Variants in PRDM5 observed in about 807,000 individuals in gnomAD.
PRDM5 encodes PR domain zinc finger protein 5.
PRDM5 carries 56 observed loss-of-function variants against 81.2 expected under a neutral mutation model. The ratio of observed to expected loss-of-function variants is 0.69; its 90% CI spans 0.56 to 0.86. The LOEUF (loss-of-function observed/expected upper bound fraction) is 0.86. PRDM5 is among the 40% of genes least tolerant of loss of function. The pLI, the probability that PRDM5 is intolerant of heterozygous loss-of-function variation, is 0.00. For synonymous variants in PRDM5, 267 were observed against 256.4 expected, an observed-to-expected ratio of 1.04 and a Z score of -0.39; for missense variants, 697 against 770.1, an observed-to-expected ratio of 0.91 and a Z score of 1.12.
intron 14 of PRDM5, among the ~76,000 whole-genome samples, chr4:120,725,980 G>A (rs1231640130): frequency 6.6e-6 from 1 of 152,116 alleles, no homozygotes; most frequent in African/African-American, 2.4e-5. Flanking sequence ...GAAAAGTACT[G>A]TCAAGACCTC....
At chr4:120,800,791 T>C (rs2149290357) in intron 8 of PRDM5, among the ~76,000 whole-genome samples, 1 of 152,326 alleles carries the variant, frequency 6.6e-6, no homozygotes, top group South Asian at 2.1e-4. Flanking sequence ...TTTAACTATA[T>C]GTGTATCTCA....
rs547745998 is a variant in PRDM5 at position 120,905,274 on chromosome 4, C to T, written c.177+2200G>A. Reference sequence around the variant, plus strand: ...CTCACCCCCAGCAGTTTCAACAATACGGGTGATGCTTAAAAATGCATTTTG... The same window carrying T: ...CTCACCCCCAGCAGTTTCAACAATATGGGTGATGCTTAAAAATGCATTTTG... On this transcript the variant is annotated intron_variant, in intron 2 of 15. Transcript: ENST00000264808. Among the ~76,000 whole-genome samples the T allele has an allele frequency of 2.5e-3, 379 of 152,238 alleles. 2 individuals are homozygous for T. Among genetic ancestry groups the T allele is most frequent in the African/African-American group, 8.3e-3 (345 of 41,538 alleles).
At chr4:120,814,650 G>A (rs933177481) in intron 7 of PRDM5, among the ~76,000 whole-genome samples, 1 of 152,128 alleles carries the variant, frequency 6.6e-6, no homozygotes, top group African/African-American at 2.4e-5. Context: ...GAGTGCCTTT[G>A]CCTTTCTATA....
At chr4:120,846,651 A>G (rs1440125979) in intron 3 of PRDM5, among the ~76,000 whole-genome samples, 1 of 152,194 alleles carries the variant, frequency 6.6e-6, no homozygotes, top group East Asian at 1.9e-4. Context: ...GACTGGAATG[A>G]AACCCAGAGC....
chr4:120,731,357 C>T (rs1300360108), intron 14 of PRDM5, among the ~76,000 whole-genome samples: 1 of 148,826 alleles, frequency 6.7e-6, no homozygotes, highest in Non-Finnish European at 1.5e-5. Context: ...TTCAATTAAA[C>T]AGAGGTCTTC....
At chr4:120,695,322 AT>A in intron 15 of PRDM5, 47 bp from the exon 16 acceptor site, 1 of 1,597,262 alleles carries the variant, frequency 6.3e-7, no homozygotes, top group Non-Finnish European at 8.6e-7. Context: ...AATAAACAAA[AT>A]TTATAAACAA....
At chr4:120,804,624 C>T (rs1269302382) in intron 8 of PRDM5, among the ~76,000 whole-genome samples, 1 of 152,148 alleles carries the variant, frequency 6.6e-6, no homozygotes, top group Admixed American at 6.5e-5. Flanking sequence ...AAAATGAAGG[C>T]AGAAATAAAG....
At chr4:120,754,484 TA>T in intron 14 of PRDM5, 68 bp downstream of exon 14, 1 of 1,087,138 alleles carries the variant, frequency 9.2e-7, no homozygotes. Flanking sequence ...AATATAAAGT[TA>T]AATATATTTC....
chr4:120,840,254 C>G (rs1464394871), intron 3 of PRDM5, among the ~76,000 whole-genome samples: 1 of 152,188 alleles, frequency 6.6e-6, no homozygotes. Context: ...GACATTGACA[C>G]AAGCTCTCCC....
At position 120,797,897 on chromosome 4, in the gene PRDM5, A is replaced by T. The variant is rs1463826224; in HGVS notation, c.1188+370T>A. On this transcript the variant is annotated intron_variant, in intron 10 of 15. Coordinates refer to ENST00000264808, the MANE Select transcript of PRDM5 (RefSeq NM_018699.4). ...GTCAAAAATGTTCAGAGAAATTGGC[A>T]GAAGACCTAGCAGAGCATACTACAA... 3.3e-5 allele frequency among the ~76,000 whole-genome samples: 5 copies of T among 152,320 alleles called. No individual in the cohort carries two copies. The East Asian group carries it at 5.8e-4, about 18-fold the overall frequency.
chr4:120,853,720 T>C (rs1253367235), intron 2 of PRDM5, among the ~76,000 whole-genome samples, 180 bp from the exon 3 acceptor site: 3 of 152,224 alleles, frequency 2.0e-5, no homozygotes, highest in Non-Finnish European at 4.4e-5. Context: ...CAGCCTACTA[T>C]TTCATTTGGC....
At chr4:120,893,285 C>T (rs1431210688) in intron 2 of PRDM5, among the ~76,000 whole-genome samples, 1 of 152,204 alleles carries the variant, frequency 6.6e-6, no homozygotes, top group Admixed American at 6.5e-5. Context: ...TGAACCTAGA[C>T]AGACTGGTGT....
intron 1 of PRDM5, among the ~76,000 whole-genome samples, chr4:120,921,695 A>C (rs1190936368): frequency 1.3e-5 from 2 of 152,200 alleles, no homozygotes; most frequent in African/African-American, 4.8e-5. Flanking sequence ...ATAATATTAT[A>C]AGATCAAATC....
intron 1 of PRDM5, among the ~76,000 whole-genome samples, chr4:120,686,830 T>G (rs1295993211): frequency 6.6e-6 from 1 of 151,932 alleles, no homozygotes; most frequent in Admixed American, 6.6e-5. Context: ...GATACAAAAA[T>G]TTATATTATA....
chr4:120,905,376 T>C (rs1484774919), intron 2 of PRDM5, among the ~76,000 whole-genome samples: 1 of 152,208 alleles, frequency 6.6e-6, no homozygotes, highest in Non-Finnish European at 1.5e-5. Context: ...CAAACGCTGA[T>C]ATAGCAGTAA....
At chr4:120,717,731 G>T (rs1738000424) in intron 14 of PRDM5, among the ~76,000 whole-genome samples, 1 of 152,168 alleles carries the variant, frequency 6.6e-6, no homozygotes, top group African/African-American at 2.4e-5. Flanking sequence ...TCCCTGGATG[G>T]ATCCATCCCA....
intron 3 of PRDM5, among the ~76,000 whole-genome samples, chr4:120,849,375 G>A (rs1237861988): frequency 6.6e-6 from 1 of 152,100 alleles, no homozygotes. Context: ...AATAATCTGT[G>A]ACAAAATAAC....
chr4:120,739,473 T>C (rs2149103869), intron 14 of PRDM5, among the ~76,000 whole-genome samples: 1 of 152,302 alleles, frequency 6.6e-6, no homozygotes, highest in South Asian at 2.1e-4. Context: ...AGAATGAGAA[T>C]GCAGATACCA....
intron 14 of PRDM5, among the ~76,000 whole-genome samples, chr4:120,717,235 T>C (rs770080655): frequency 1.3e-5 from 2 of 152,192 alleles, no homozygotes; most frequent in South Asian, 4.1e-4. Context: ...AGCTTGTCCT[T>C]TGTCATCACA....
Sources: allele counts gnomAD v4.1 joint callset (sites outside exome capture counted in the v4.1 genomes callset), GRCh38; gene constraint gnomAD v4.1.1; transcripts MANE v1.5; gene names NCBI Gene and HGNC (gene_info 2026-07-23, HGNC 2026-07-21).